C2orf76: variants seen among roughly 807,000 people sequenced by gnomAD.
C2orf76 encodes chromosome 2 open reading frame 76.
A neutral mutation model predicts 16.9 loss-of-function variants in C2orf76; 23 were observed. The ratio of observed to expected loss-of-function variants is 1.36; its 90% CI spans 0.98 to 1.93. C2orf76 has a LOEUF of 1.93. Ranked by LOEUF, C2orf76 falls within the 30% of genes most tolerant of loss-of-function variation. C2orf76 has a pLI of 0.00. For synonymous variants in C2orf76, 48 were observed against 52.3 expected (o/e 0.92, Z 0.35); for missense variants, 152 against 152.6 (o/e 1.00, Z 0.02).
chr2:119,364,599 T>C (rs114681199), intron 1 of C2orf76, among the ~76,000 whole-genome samples: 2,200 of 152,312 alleles, frequency 0.014, 56 homozygotes, highest in African/African-American at 0.048. Context: ...CAGTGACTGA[T>C]ACACAATGAC....
At position 119,339,977 on chromosome 2, in the gene C2orf76, G is replaced by T; in HGVS notation, c.-12-6C>A. 1 of 1,605,092 alleles carries T rather than the reference G, an allele frequency of 6.2e-7. No individual in the cohort carries two copies. Among genetic ancestry groups the T allele is most frequent in the Non-Finnish European group, 8.5e-7 (1 of 1,172,594 alleles). On this transcript the variant is annotated splice_region_variant and splice_polypyrimidine_tract_variant and intron_variant, in intron 1 of 5. Transcript: ENST00000334816. Reference sequence around the variant, plus strand: ...GGAGCCATGTGAAGAAATTCCTGTGGCAAGAGACATGAGAACCATCTAAAT... The same window carrying T: ...GGAGCCATGTGAAGAAATTCCTGTGTCAAGAGACATGAGAACCATCTAAAT...
chr2:119,316,281 G>A (rs1405584149), intron 4 of C2orf76, among the ~76,000 whole-genome samples: 1 of 152,184 alleles, frequency 6.6e-6, no homozygotes, highest in Non-Finnish European at 1.5e-5. Flanking sequence ...CCATACCACA[G>A]CCCCAGACAC....
chr2:119,349,449 G>A (rs947556607), intron 1 of C2orf76, among the ~76,000 whole-genome samples: 1 of 152,090 alleles, frequency 6.6e-6, no homozygotes, highest in Admixed American at 6.5e-5. Context: ...AACAGCATTC[G>A]GAGGCACCAG....
At chr2:119,325,226 G>A (rs766383728) in intron 2 of C2orf76, among the ~76,000 whole-genome samples, 3 of 151,966 alleles carry the variant, frequency 2.0e-5, no homozygotes, top group South Asian at 2.1e-4. Context: ...TTGGGAGGCC[G>A]AGGCGGTTGG....
At chr2:119,309,316 T>G (rs1007532823) in intron 5 of C2orf76, among the ~76,000 whole-genome samples, 1 of 151,834 alleles carries the variant, frequency 6.6e-6, no homozygotes, top group Non-Finnish European at 1.5e-5. Context: ...ATTTCTTCTA[T>G]CAATAGAATT....
At chr2:119,307,628 G>A (rs549639792) in intron 5 of C2orf76, among the ~76,000 whole-genome samples, 3 of 152,046 alleles carry the variant, frequency 2.0e-5, no homozygotes, top group East Asian at 3.9e-4. Flanking sequence ...AAATCACCCC[G>A]AGCCCAGGGT....
chr2:119,288,281 C>G, the C2orf76 span, among the ~76,000 whole-genome samples: 1 of 151,932 alleles, frequency 6.6e-6, no homozygotes, highest in East Asian at 1.9e-4. Flanking sequence ...CTCAGCCTCC[C>G]GAGTAGCTCG....
intron 5 of C2orf76, among the ~76,000 whole-genome samples, chr2:119,306,256 A>T (rs1678779394): frequency 6.6e-6 from 1 of 152,232 alleles, no homozygotes; most frequent in Non-Finnish European, 1.5e-5. Context: ...AACACAAATC[A>T]AACATCATCC....
chr2:119,312,652 T>C (rs979802837), intron 4 of C2orf76, among the ~76,000 whole-genome samples: 17 of 152,170 alleles, frequency 1.1e-4, no homozygotes, highest in African/African-American at 3.9e-4. Flanking sequence ...TTTCTCTATG[T>C]GATTTGGGGT....
chr2:119,344,965 T>G (rs55951733), intron 1 of C2orf76, among the ~76,000 whole-genome samples: 2 of 152,020 alleles, frequency 1.3e-5, no homozygotes, highest in East Asian at 3.8e-4. Flanking sequence ...AATAATGGAT[T>G]TGGGGAAAAG....
intron 2 of C2orf76, among the ~76,000 whole-genome samples, chr2:119,334,379 C>CAAAAAAAAAAAAAA (rs34753333): frequency 2.8e-5 from 2 of 71,626 alleles, no homozygotes; most frequent in Non-Finnish European, 2.5e-5. Context: ...GTATGCAAAG[C>CAAAAAAAAAAAAAA]AAAAAAAAAA....
chr2:119,319,470 T>G (rs147442479), intron 3 of C2orf76, among the ~76,000 whole-genome samples: 1 of 152,324 alleles, frequency 6.6e-6, no homozygotes, highest in Non-Finnish European at 1.5e-5. Flanking sequence ...GGCATTGTTT[T>G]CTTAATACAA....
At chr2:119,293,700 C>T in the C2orf76 span, among the ~76,000 whole-genome samples, 5 of 152,114 alleles carry the variant, frequency 3.3e-5, no homozygotes, top group Non-Finnish European at 7.3e-5. Context: ...AGGTGAGAGG[C>T]GCCTGGGCCC....
Position 119,350,094 on chromosome 2 carries a change from G to A in C2orf76, c.-12-10123C>T, listed in dbSNP as rs1008155837. Reference sequence around the variant, plus strand: ...GCCCCCCGCCCCCCCACCGTCCCGCGTAAGTGTTTGTAGAACTAATGAGCA... The same window carrying A: ...GCCCCCCGCCCCCCCACCGTCCCGCATAAGTGTTTGTAGAACTAATGAGCA... On this transcript the variant is annotated intron_variant, in intron 1 of 5. Transcript: ENST00000334816. Among the ~76,000 whole-genome samples the A allele has an allele frequency of 2.2e-3, 101 of 46,304 alleles. 1 individual carries two copies. The highest frequency in any genetic ancestry group is 0.012 in the African/African-American group (99 of 8,572). 30.4% of individuals were successfully genotyped at this position (46,304 alleles called of 152,430 possible).
intron 4 of C2orf76, among the ~76,000 whole-genome samples, chr2:119,314,466 C>T (rs1679101048): frequency 6.6e-6 from 1 of 152,016 alleles, no homozygotes; most frequent in South Asian, 2.1e-4. Flanking sequence ...TTGAGTCCTC[C>T]ATCTTTTCTT....
intron 1 of C2orf76, among the ~76,000 whole-genome samples, chr2:119,344,035 C>T (rs1469237528): frequency 6.6e-6 from 1 of 152,198 alleles, no homozygotes; most frequent in African/African-American, 2.4e-5. Context: ...TTCACAATTA[C>T]AGGTTTGTTA....
the C2orf76 span, among the ~76,000 whole-genome samples, chr2:119,289,968 C>T: frequency 1.3e-5 from 2 of 151,876 alleles, no homozygotes; most frequent in African/African-American, 4.8e-5. Flanking sequence ...TTAAAATAAC[C>T]TAGAAACAAA....
At chr2:119,350,358 G>T (rs1337286993) in intron 1 of C2orf76, among the ~76,000 whole-genome samples, 1 of 152,078 alleles carries the variant, frequency 6.6e-6, no homozygotes, top group Non-Finnish European at 1.5e-5. Flanking sequence ...TAAGACCCAG[G>T]TGGTGCTTTG....
At chr2:119,348,353 T>C (rs1456496180) in intron 1 of C2orf76, among the ~76,000 whole-genome samples, 7 of 152,220 alleles carry the variant, frequency 4.6e-5, no homozygotes, top group African/African-American at 1.7e-4. Context: ...GATGTATGGA[T>C]ACCAACTTTG....
Sources: allele counts gnomAD v4.1 joint callset (sites outside exome capture counted in the v4.1 genomes callset), GRCh38; gene constraint gnomAD v4.1.1; transcripts MANE v1.5; gene names NCBI Gene and HGNC (gene_info 2026-07-23, HGNC 2026-07-21).